The following MACROD2 variants were observed in gnomAD, a reference collection of about 807,000 sequenced individuals.
MACROD2 encodes mono-ADP ribosylhydrolase 2, also known as ADP-ribose glycohydrolase MACROD2.
MACROD2 carries 36 observed loss-of-function variants against 70.4 expected under a neutral mutation model. The ratio of observed to expected loss-of-function variants is 0.51; its 90% CI spans 0.39 to 0.68. The LOEUF (loss-of-function observed/expected upper bound fraction) is 0.68. MACROD2 is among the 30% of genes least tolerant of loss of function. The pLI is 0.00. For synonymous variants in MACROD2, 172 were observed against 178.8 expected (o/e 0.96, Z 0.30); for missense variants, 496 against 538.4 (o/e 0.92, Z 0.78).
intron 5 of MACROD2, among the ~76,000 whole-genome samples, chr20:14,997,676 T>A (rs978650373): frequency 6.6e-6 from 1 of 152,196 alleles, no homozygotes; most frequent in Admixed American, 6.5e-5. Flanking sequence ...GAAGGGAACC[T>A]GCCACCCTGA....
At chr20:14,679,513 G>T (rs1362000961) in intron 4 of MACROD2, among the ~76,000 whole-genome samples, 3 of 152,170 alleles carry the variant, frequency 2.0e-5, no homozygotes, top group Admixed American at 6.6e-5. Context: ...GTTTTACAAT[G>T]TAAGATATGA....
intron 6 of MACROD2, among the ~76,000 whole-genome samples, chr20:15,268,779 A>G (rs1015377531): frequency 5.3e-5 from 8 of 152,226 alleles, no homozygotes; most frequent in African/African-American, 1.4e-4. Context: ...TTATGAATAA[A>G]TAAATGAGTT....
intron 3 of MACROD2, among the ~76,000 whole-genome samples, chr20:14,472,837 T>C (rs1440098325): frequency 6.6e-6 from 1 of 152,058 alleles, no homozygotes; most frequent in African/African-American, 2.4e-5. Flanking sequence ...GTGAGTGAGC[T>C]GCGTGGCATT....
chr20:15,035,728 C>T (rs960611510), intron 5 of MACROD2, among the ~76,000 whole-genome samples: 10 of 152,176 alleles, frequency 6.6e-5, no homozygotes, highest in East Asian at 5.8e-4. Flanking sequence ...TTCATTCCAA[C>T]GGACAACAGG....
intron 5 of MACROD2, among the ~76,000 whole-genome samples, chr20:14,903,030 T>G (rs1335474949): frequency 7.0e-6 from 1 of 143,348 alleles, no homozygotes; most frequent in Non-Finnish European, 1.5e-5. Flanking sequence ...GTTTCTTTTT[T>G]TTCTTTCCCT....
At chr20:14,620,708 T>TTTTCTCTCC (rs1190596461) in intron 4 of MACROD2, among the ~76,000 whole-genome samples, 7 of 152,106 alleles carry the variant, frequency 4.6e-5, no homozygotes, top group Non-Finnish European at 1.0e-4. Context: ...TGTCAACTTC[T>TTTTCTCTCC]TTTCTGCTAG....
At chr20:14,883,612 T>C (rs1298440825) in intron 5 of MACROD2, among the ~76,000 whole-genome samples, 1 of 151,766 alleles carries the variant, frequency 6.6e-6, no homozygotes, top group Non-Finnish European at 1.5e-5. Context: ...AAAAAAGTAG[T>C]TTAAATAAAA....
rs146738378 is a variant in MACROD2 at position 14,737,319 on chromosome 20, T to G, written c.418+52360T>G. Among the ~76,000 whole-genome samples, 496 of 152,330 alleles carry G rather than the reference T, an allele frequency of 3.3e-3. 5 individuals carry two copies. Among genetic ancestry groups the G allele is most frequent in the African/African-American group, 0.012 (481 of 41,574 alleles). On this transcript the variant is annotated intron_variant, in intron 5 of 17. Transcript: ENST00000684519. ...TGTGGCTGCAGAGTATTCCATGGTG[T>G]ATATGTGCCACATTTTCTTCATCCA...
At chr20:14,018,563 A>G (rs971422654) in intron 2 of MACROD2, among the ~76,000 whole-genome samples, 4 of 151,790 alleles carry the variant, frequency 2.6e-5, no homozygotes, top group Admixed American at 2.6e-4. Flanking sequence ...ATTGATTTTT[A>G]TCTCTTAAGT....
intron 5 of MACROD2, among the ~76,000 whole-genome samples, chr20:15,025,067 G>A (rs1465054322): frequency 6.6e-6 from 1 of 151,486 alleles, no homozygotes; most frequent in Non-Finnish European, 1.5e-5. Context: ...TTCCAATGTT[G>A]TTTTTTTTGT....
At chr20:14,662,923 G>A (rs902910405) in intron 4 of MACROD2, among the ~76,000 whole-genome samples, 1 of 152,088 alleles carries the variant, frequency 6.6e-6, no homozygotes, top group African/African-American at 2.4e-5. Context: ...AGATGGTGTG[G>A]TGATTCCTCA....
chr20:14,304,504 A>G (rs2082503256), intron 3 of MACROD2, among the ~76,000 whole-genome samples: 1 of 152,132 alleles, frequency 6.6e-6, no homozygotes, highest in South Asian at 2.1e-4. Flanking sequence ...AAACTCCCCC[A>G]CGCTCATTTT....
At chr20:15,714,744 A>C (rs558677490) in intron 8 of MACROD2, among the ~76,000 whole-genome samples, 416 of 152,328 alleles carry the variant, frequency 2.7e-3, no homozygotes, top group Non-Finnish European at 4.7e-3. Context: ...CATATATTTT[A>C]CTAATATGTG....
Position 14,311,916 on chromosome 20 carries a change from ACCTTTG to A in MACROD2, c.272-181562_272-181557del, listed in dbSNP as rs550477159. ...TAAGAGTAGGTTTCTTTTCCAATTA[ACCTTTG>A]TACACTGTTTTGTGAATTATACTAT... On this transcript the variant is annotated intron_variant, in intron 3 of 17. Coordinates refer to ENST00000684519, the MANE Select transcript of MACROD2 (RefSeq NM_001351661.2). 2.9e-3 allele frequency among the ~76,000 whole-genome samples: 439 copies of A among 152,108 alleles called. 1 individual carries two copies. The highest frequency in any genetic ancestry group is 5.6e-3 in the Non-Finnish European group (382 of 67,984).
chr20:14,721,153 G>T lies in MACROD2; in HGVS notation c.418+36194G>T, dbSNP rs536918069. Among the ~76,000 whole-genome samples the T allele has an allele frequency of 2.1e-3, 313 of 151,592 alleles. 1 individual carries two copies. Among genetic ancestry groups the T allele is most frequent in the African/African-American group, 7.1e-3 (294 of 41,306 alleles). ...GCCTGTAGTCCCAGCTACTCGGGAG[G>T]CTGAGGCAGGAGAATTGCTTGAACC... On this transcript the variant is annotated intron_variant, in intron 5 of 17. Transcript: ENST00000684519.
At chr20:15,867,047 T>G (rs914444788) in intron 9 of MACROD2, among the ~76,000 whole-genome samples, 2 of 152,182 alleles carry the variant, frequency 1.3e-5, no homozygotes, top group Non-Finnish European at 2.9e-5. Context: ...GGAGGCAAGA[T>G]TAATTTCTTC....
chr20:14,276,376 G>A (rs925771050), intron 3 of MACROD2, among the ~76,000 whole-genome samples: 3 of 146,232 alleles, frequency 2.1e-5, no homozygotes, highest in Non-Finnish European at 4.5e-5. Flanking sequence ...CTATTGCAAG[G>A]ACAAAAAACC....
chr20:14,995,517 A>C (rs902190487), intron 5 of MACROD2, among the ~76,000 whole-genome samples: 2 of 152,044 alleles, frequency 1.3e-5, no homozygotes, highest in Non-Finnish European at 1.5e-5. Context: ...CTCTACCAAA[A>C]AAAATAAAAT....
At chr20:15,794,939 A>C (rs2063659480) in intron 8 of MACROD2, among the ~76,000 whole-genome samples, 1 of 152,148 alleles carries the variant, frequency 6.6e-6, no homozygotes, top group African/African-American at 2.4e-5. Context: ...TGAATGTTGA[A>C]TAAGTAATTA....
Sources: allele counts gnomAD v4.1 joint callset (sites outside exome capture counted in the v4.1 genomes callset), GRCh38; gene constraint gnomAD v4.1.1; transcripts MANE v1.5; gene names NCBI Gene and HGNC (gene_info 2026-07-23, HGNC 2026-07-21).